Variants in FIG4 observed in about 807,000 individuals in gnomAD.
FIG4 encodes the protein polyphosphoinositide phosphatase.
A neutral mutation model predicts 118.6 loss-of-function variants in FIG4; 112 were observed. The ratio of observed to expected loss-of-function variants is 0.94; its 90% CI spans 0.81 to 1.11. FIG4 has a LOEUF of 1.11. Among genes scored for constraint, FIG4 ranks in the 50% least tolerant of loss-of-function variants. FIG4 has a pLI of 0.00. For synonymous variants in FIG4, 369 were observed against 381.2 expected, an observed-to-expected ratio of 0.97 and a Z score of 0.37; for missense variants, 969 against 1,111.7, an observed-to-expected ratio of 0.87 and a Z score of 1.83.
At chr6:109,764,938 A>T in intron 13 of FIG4, 75 bp from the exon 14 acceptor site, 1 of 1,035,606 alleles carries the variant, frequency 9.7e-7, no homozygotes, top group Non-Finnish European at 1.4e-6. Flanking sequence ...TTTGTTTCTT[A>T]AAGAAATCTA....
At chr6:109,777,964 A>G (rs373313664) in intron 16 of FIG4, among the ~76,000 whole-genome samples, 1 of 152,286 alleles carries the variant, frequency 6.6e-6, no homozygotes. Context: ...GTGAGGACTT[A>G]ATGAGGAGGC....
rs80101079 is a variant in FIG4, at chr6:109,760,075, G to T, written c.1138-175G>T. Reference sequence around the variant, plus strand: ...CATTAGCTGTTCACTTTAATACAATGGAGCATTTATTTCTTTGTGTTTTTA... The same window carrying T: ...CATTAGCTGTTCACTTTAATACAATTGAGCATTTATTTCTTTGTGTTTTTA... On this transcript the variant is annotated intron_variant, in intron 10 of 22. Coordinates refer to ENST00000230124, the MANE Select transcript of FIG4 (RefSeq NM_014845.6). Among the ~76,000 whole-genome samples, 7,195 of 152,180 alleles carry T rather than the reference G, an allele frequency of 0.047. 559 individuals are homozygous for T. The highest frequency in any genetic ancestry group is 0.16 in the African/African-American group (6,756 of 41,490).
chr6:109,721,374 A>C (rs1406926618), intron 3 of FIG4, among the ~76,000 whole-genome samples: 1 of 152,040 alleles, frequency 6.6e-6, no homozygotes, highest in Non-Finnish European at 1.5e-5. Flanking sequence ...GGCTTTCAAG[A>C]TAATAGCTGG....
chr6:109,815,495 G>GCCCCCCCCCCCCCCC (rs112617514), intron 22 of FIG4, among the ~76,000 whole-genome samples: 40 of 89,138 alleles, frequency 4.5e-4, no homozygotes, highest in African/African-American at 6.6e-4. Context: ...ACTCCAGGCT[G>GCCCCCCCCCCCCCCC]CCCCCCCCAC....
At chr6:109,711,924 T>A (rs367690831) in intron 1 of FIG4, among the ~76,000 whole-genome samples, 1 of 152,334 alleles carries the variant, frequency 6.6e-6, no homozygotes, top group African/African-American at 2.4e-5. Flanking sequence ...ATTTAGTGCT[T>A]CTTTCAGGAG....
intron 10 of FIG4, among the ~76,000 whole-genome samples, chr6:109,750,153 G>C (rs1776645532): frequency 1.3e-5 from 2 of 152,186 alleles, no homozygotes; most frequent in South Asian, 4.1e-4. Context: ...CTTTTACCCT[G>C]TGTTGCGAAC....
intron 22 of FIG4, among the ~76,000 whole-genome samples, chr6:109,811,359 A>G (rs1327088725): frequency 1.3e-5 from 2 of 152,154 alleles, no homozygotes; most frequent in African/African-American, 4.8e-5. Flanking sequence ...ACTCAAGCAG[A>G]GGCAGATGAC....
At position 109,796,781 on chromosome 6, in the gene FIG4, C is replaced by T; in HGVS notation, c.2476C>T (p.Gln826Ter). 1.2e-6 allele frequency: 2 copies of T among 1,609,396 alleles called. No homozygotes were observed. The highest frequency in any genetic ancestry group is 1.7e-6 in the Non-Finnish European group (2 of 1,175,734). ...SIYSRFVQLG[Q>*]SQHKQDKNSQ... ...AATTTGTAGATTTGTTCAGCTGGGGCAGAGTCAACATAAACAAGACAAGAA... is the reference window on the plus strand; with the variant it reads ...AATTTGTAGATTTGTTCAGCTGGGGTAGAGTCAACATAAACAAGACAAGAA... Residue 826 changes from glutamine to a stop codon, truncating the protein, a stop_gained, in exon 22 of 23, where the codon CAG becomes TAG. Coordinates refer to ENST00000230124, the MANE Select transcript of FIG4 (RefSeq NM_014845.6). LOFTEE classifies it high-confidence loss of function.
At chr6:109,754,168 A>C (rs947782873) in intron 10 of FIG4, among the ~76,000 whole-genome samples, 3 of 152,128 alleles carry the variant, frequency 2.0e-5, no homozygotes, top group African/African-American at 7.2e-5. Context: ...GAATTTTCTC[A>C]AAGGCCTTTT....
chr6:109,794,587 G>A (rs1329100964), intron 21 of FIG4, among the ~76,000 whole-genome samples: 2 of 152,240 alleles, frequency 1.3e-5, no homozygotes, highest in Non-Finnish European at 1.5e-5. Context: ...ACCAAGGGAT[G>A]TTCAGGGACT....
Position 109,706,727 on chromosome 6 carries a change from C to T in FIG4, c.67-8351C>T, listed in dbSNP as rs145110334. On this transcript the variant is annotated intron_variant, in intron 1 of 22. Coordinates refer to ENST00000230124, the MANE Select transcript of FIG4 (RefSeq NM_014845.6). ...GTCACTGTGTTAGGTGCTTTGTGAA[C>T]GAACATTTTCTCGCTTATTCTTGTG... Among the ~76,000 whole-genome samples the T allele has an allele frequency of 3.0e-3, 454 of 152,272 alleles. 2 individuals are homozygous for T. The highest frequency in any genetic ancestry group is 0.011 in the African/African-American group (440 of 41,566).
intron 15 of FIG4, among the ~76,000 whole-genome samples, chr6:109,771,860 C>A (rs776610054): frequency 2.0e-5 from 3 of 152,134 alleles, no homozygotes; most frequent in Non-Finnish European, 4.4e-5. Context: ...TGCTGTACAT[C>A]ATCAGTTTCT....
intron 17 of FIG4, 45 bp from the exon 18 acceptor site, chr6:109,786,257 G>A (rs1562683517): frequency 1.3e-6 from 2 of 1,543,644 alleles, no homozygotes; most frequent in East Asian, 4.5e-5. Flanking sequence ...ATGTTTGCTT[G>A]CTATAATCTC....
intron 22 of FIG4, among the ~76,000 whole-genome samples, chr6:109,808,551 T>G (rs1202775834): frequency 6.6e-6 from 1 of 152,168 alleles, no homozygotes; most frequent in Admixed American, 6.5e-5. Context: ...ATGGTTGTCT[T>G]GAGGAAAAGG....
At chr6:109,811,620 A>AG (rs997955006) in intron 22 of FIG4, among the ~76,000 whole-genome samples, 12 of 152,174 alleles carry the variant, frequency 7.9e-5, no homozygotes, top group African/African-American at 2.9e-4. Context: ...AAGATTCCCC[A>AG]GGGCCCTTCT....
chr6:109,770,126 T>C (rs149474090), intron 15 of FIG4, among the ~76,000 whole-genome samples: 1 of 152,158 alleles, frequency 6.6e-6, no homozygotes, highest in Non-Finnish European at 1.5e-5. Context: ...ACTAGTTACA[T>C]AGGGAGTTGG....
intron 22 of FIG4, among the ~76,000 whole-genome samples, chr6:109,822,783 GTATGTATATATATATATATATA>G (rs1246273222): frequency 0.016 from 1,895 of 120,656 alleles, 81 homozygotes; most frequent in African/African-American, 0.064. Flanking sequence ...GTGTGTGTGT[GTATGTATATATATATATATATA>G]TATATATATA....
At chr6:109,742,330 G>A (rs1022400429) in intron 8 of FIG4, among the ~76,000 whole-genome samples, 2 of 152,020 alleles carry the variant, frequency 1.3e-5, no homozygotes, top group East Asian at 1.9e-4. Context: ...TCTGTTCATC[G>A]CTAGGAAATA....
chr6:109,696,376 T>C (rs1039575089), intron 1 of FIG4, among the ~76,000 whole-genome samples: 4 of 152,240 alleles, frequency 2.6e-5, no homozygotes, highest in African/African-American at 9.6e-5. Context: ...CCATGAACTT[T>C]ATCAAGTCCC....
Sources: gnomAD v4.1 joint callset for allele counts (sites outside exome capture counted in the v4.1 genomes callset) on GRCh38, gnomAD v4.1.1 for gene constraint, MANE v1.5 for transcripts, NCBI Gene and HGNC (gene_info 2026-07-23, HGNC 2026-07-21) for gene names.